Variants in KIF23 observed in about 807,000 individuals in gnomAD.
KIF23 encodes kinesin-like protein KIF23.
In KIF23, 30 loss-of-function variants were observed where a neutral mutation model predicts 137.5. The ratio of observed to expected loss-of-function variants is 0.22; its 90% CI spans 0.16 to 0.30. KIF23 has a LOEUF of 0.30. KIF23 is among the 10% of genes least tolerant of loss of function. KIF23 has a pLI of 1.00. For missense variants in KIF23, 920 were observed against 1,194.3 expected (o/e 0.77, Z 3.38); for synonymous variants, 367 against 391.1 (o/e 0.94, Z 0.73).
chr15:69,429,508 T>C (rs1387961208), intron 11 of KIF23, among the ~76,000 whole-genome samples: 2 of 152,060 alleles, frequency 1.3e-5, no homozygotes, highest in African/African-American at 2.4e-5. Flanking sequence ...GGTCTCCTTA[T>C]GTTGCCCAGG....
intron 10 of KIF23, among the ~76,000 whole-genome samples, chr15:69,428,670 AAAAAAAAAAAAAAAAC>A (rs1349192679): frequency 6.6e-6 from 1 of 151,288 alleles, no homozygotes; most frequent in Non-Finnish European, 1.5e-5. Context: ...CAAAAAAAAA[AAAAAAAAAAAAAAAAC>A]AAAAGAATTA....
intron 14 of KIF23, 145 bp downstream of exon 14, chr15:69,436,406 C>A: frequency 8.0e-7 from 1 of 1,245,626 alleles, no homozygotes. Flanking sequence ...TTTAAATGAG[C>A]TTATTTTGCA....
intron 11 of KIF23, 134 bp downstream of exon 11, chr15:69,429,347 C>A (rs2057292714): frequency 1.5e-6 from 1 of 646,478 alleles, no homozygotes; most frequent in Non-Finnish European, 2.7e-6. Flanking sequence ...CTCTGTTACC[C>A]AGGATGGAAT....
chr15:69,430,289 T>G (rs988738468), intron 11 of KIF23, among the ~76,000 whole-genome samples: 2 of 152,224 alleles, frequency 1.3e-5, no homozygotes, highest in African/African-American at 4.8e-5. Context: ...ATATGTTATA[T>G]TTTGATAGAT....
intron 3 of KIF23, among the ~76,000 whole-genome samples, chr15:69,420,998 A>G (rs1481458446): frequency 2.0e-5 from 3 of 152,228 alleles, no homozygotes; most frequent in African/African-American, 7.2e-5. Context: ...GTAGATTTCC[A>G]CAAATCTGTG....
At position 69,423,281 on chromosome 15, in the gene KIF23, A is replaced by G. The variant is rs780232158; in HGVS notation, c.686A>G (p.Tyr229Cys). 6.3e-7 allele frequency: 1 copy of G among 1,582,474 alleles called. No homozygotes were observed. Among genetic ancestry groups the G allele is most frequent in the Non-Finnish European group, 8.6e-7 (1 of 1,159,828 alleles). ...FVSYIEIYNN[Y>C]IYDLLEEVPF... Reference sequence around the variant, plus strand: ...TCTTATATTGAAATATATAATAATTACATATATGATCTATTGGAAGAGGTG... The same window carrying G: ...TCTTATATTGAAATATATAATAATTGCATATATGATCTATTGGAAGAGGTG... Residue 229 changes from tyrosine to cysteine, a missense_variant, in exon 7 of 24, where the codon TAC (tyrosine) becomes TGC (cysteine). Transcript: ENST00000679126.
At chr15:69,434,622 T>G in intron 11 of KIF23, 1 of 1,396,250 alleles carries the variant, frequency 7.2e-7, no homozygotes, top group Non-Finnish European at 1.0e-6. Context: ...ACATAGTTGA[T>G]GATGTAGGGG....
chr15:69,435,592 A>G (rs1170063067), intron 12 of KIF23, 30 bp downstream of exon 12: 6 of 1,613,266 alleles, frequency 3.7e-6, no homozygotes, highest in East Asian at 2.2e-5. Flanking sequence ...GTTCTTTTGT[A>G]TAGTTTCATT....
chr15:69,443,785 CTTGT>C (rs1233312115), intron 19 of KIF23: 1 of 151,354 alleles, frequency 6.6e-6, no homozygotes, highest in Non-Finnish European at 1.5e-5. Flanking sequence ...CTGGAAGCAA[CTTGT>C]TTGTTTTTGA....
chr15:69,440,294 C>T lies in KIF23; in HGVS notation c.1930-14C>T, dbSNP rs1352729358. ...GATGGAATGATAATATACATTGCCA[C>T]TGATAATCTGTAGGAGCGTAGAGTG... On this transcript the variant is annotated splice_polypyrimidine_tract_variant and intron_variant, in intron 17 of 23. Transcript: ENST00000679126. 1 of 1,605,464 alleles carries T rather than the reference C, an allele frequency of 6.2e-7. No homozygotes were observed. The highest frequency in any genetic ancestry group is 1.3e-5 in the African/African-American group (1 of 74,546).
chr15:69,447,963 T>C lies in KIF23; in HGVS notation c.*156T>C. On this transcript the variant is annotated 3_prime_UTR_variant, in exon 24 of 24. Transcript: ENST00000679126. The stretch of plus-strand genomic sequence containing the variant: ...TCATACACTGACCCAGAGCAAAGCT[T>C]TCCCTATGGTTCCAAAGACAACTAG... 1 of 535,956 alleles carries C rather than the reference T, an allele frequency of 1.9e-6. No individual in the cohort carries two copies. Among genetic ancestry groups the C allele is most frequent in the Non-Finnish European group, 3.2e-6 (1 of 311,002 alleles). 33.2% of individuals were successfully genotyped at this position (535,956 alleles called of 1,614,324 possible).
rs1023197688 is a variant in KIF23, at chr15:69,423,069, G to C, written c.564-90G>C. ...CTGCCTCGGCCTCCCAAAGTGCTGG[G>C]ATTATAGCTGTGAGCCACCATGCCC... On this transcript the variant is annotated intron_variant, in intron 6 of 23. Coordinates refer to ENST00000679126, the MANE Select transcript of KIF23 (RefSeq NM_001367805.3). 2.5e-5 allele frequency: 22 copies of C among 867,434 alleles called. No individual in the cohort carries two copies. In the Admixed American group the frequency reaches 4.9e-4, roughly 19 times the overall value. The allele number at this position is 867,434 out of a possible 1,614,324, so 53.7% of individuals were successfully genotyped here. A position where few individuals can be genotyped will look rare whatever the true frequency, so the allele number is the denominator to read the frequency against.
At position 69,435,932 on chromosome 15, in the gene KIF23, A is replaced by G. The variant is rs899616884; in HGVS notation, c.1314+161A>G. 9 of 1,216,066 alleles carry G rather than the reference A, an allele frequency of 7.4e-6. No homozygotes were observed. In the Admixed American group the frequency reaches 2.1e-4, roughly 29 times the overall value. 75.3% of individuals were successfully genotyped at this position (1,216,066 alleles called of 1,614,324 possible). A position where few individuals can be genotyped will look rare whatever the true frequency, so the allele number is the denominator to read the frequency against. On this transcript the variant is annotated intron_variant, in intron 13 of 23. Transcript: ENST00000679126. ...TGTGGTGGCTTATGCTTATAATCCCAACATGTTGGGAAGCTGAGGTGGGAC... is the reference window on the plus strand; with the variant it reads ...TGTGGTGGCTTATGCTTATAATCCCGACATGTTGGGAAGCTGAGGTGGGAC...
chr15:69,432,946 A>G lies in KIF23; in HGVS notation c.1115-2537A>G, dbSNP rs189668596. Among the ~76,000 whole-genome samples the G allele has an allele frequency of 5.0e-3, 754 of 152,318 alleles. 8 individuals are homozygous for G. The highest frequency in any genetic ancestry group is 0.018 in the African/African-American group (732 of 41,562). ...ATAATTGAAGGAACTAGTGAATTCC[A>G]GTTGGTTTGGTAAAAAGTAAATAAT... is the stretch of plus-strand genomic sequence containing the variant. On this transcript the variant is annotated intron_variant, in intron 11 of 23. Coordinates refer to ENST00000679126, the MANE Select transcript of KIF23 (RefSeq NM_001367805.3).
At position 69,437,818 on chromosome 15, in the gene KIF23, G is replaced by T. The variant is rs149540350; in HGVS notation, c.1598-430G>T. Among the ~76,000 whole-genome samples, 3 of 152,046 alleles carry T rather than the reference G, an allele frequency of 2.0e-5. No homozygotes were observed. In the East Asian group the frequency reaches 5.8e-4, roughly 29 times the overall value. ...TTACCAAAAAGTTGTGAGATAAAGTGGTATTTAAATTTCCATACTGAAATG... is the reference window on the plus strand; with the variant it reads ...TTACCAAAAAGTTGTGAGATAAAGTTGTATTTAAATTTCCATACTGAAATG... On this transcript the variant is annotated intron_variant, in intron 15 of 23. Coordinates refer to ENST00000679126, the MANE Select transcript of KIF23 (RefSeq NM_001367805.3).
chr15:69,436,099 C>T, intron 13 of KIF23, 39 bp from the exon 14 acceptor site: 1 of 1,597,346 alleles, frequency 6.3e-7, no homozygotes, highest in Non-Finnish European at 8.5e-7. Flanking sequence ...ACTTGGATAT[C>T]CTTATTTTTT....
chr15:69,428,675 A>C (rs1023458454), intron 10 of KIF23, among the ~76,000 whole-genome samples: 2 of 151,540 alleles, frequency 1.3e-5, no homozygotes, highest in Admixed American at 6.6e-5. Flanking sequence ...AAAAAAAAAA[A>C]AAAAAAAAAA....
intron 2 of KIF23, among the ~76,000 whole-genome samples, chr15:69,416,748 A>T (rs2056920580): frequency 6.6e-6 from 1 of 152,166 alleles, no homozygotes. Context: ...TGAGGTCAGG[A>T]GTTCGAGACC....
chr15:69,424,845 A>C (rs1050171734), intron 7 of KIF23, among the ~76,000 whole-genome samples: 3 of 152,116 alleles, frequency 2.0e-5, no homozygotes, highest in Non-Finnish European at 4.4e-5. Context: ...TTACTTTCCC[A>C]TTTGTTTTAA....
Sources: allele counts gnomAD v4.1 joint callset (sites outside exome capture counted in the v4.1 genomes callset), GRCh38; gene constraint gnomAD v4.1.1; transcripts MANE v1.5; gene names NCBI Gene and HGNC (gene_info 2026-07-23, HGNC 2026-07-21).